The following UCK2 variants were observed in gnomAD, a reference collection of about 807,000 sequenced individuals.
UCK2 encodes cytidine monophosphokinase 2.
Under a neutral mutation model 30.8 loss-of-function variants are expected in UCK2, and 6 were observed. The observed-to-expected ratio is 0.19, with a 90% CI of 0.11 to 0.38. The LOEUF is 0.38. Among genes scored for constraint, UCK2 ranks in the 10% least tolerant of loss-of-function variants. The probability of loss-of-function intolerance (pLI) is 1.00; values close to 1 mark genes in which losing one functional copy is unlikely to be tolerated. For synonymous variants in UCK2, 125 were observed against 133.6 expected (o/e 0.94, Z 0.45); for missense variants, 210 against 339.8 (o/e 0.62, Z 3.00).
At chr1:165,843,225 T>C (rs1016842454) in intron 1 of UCK2, among the ~76,000 whole-genome samples, 3 of 152,094 alleles carry the variant, frequency 2.0e-5, no homozygotes, top group African/African-American at 7.2e-5. Context: ...TCAAGTCCTT[T>C]TTTTTTTTAA....
chr1:165,855,157 G>T (rs1654709382), intron 1 of UCK2, among the ~76,000 whole-genome samples: 2 of 152,178 alleles, frequency 1.3e-5, no homozygotes, highest in Admixed American at 1.3e-4. Flanking sequence ...TGGAAAGATG[G>T]ATGCTTATAA....
intron 6 of UCK2, 102 bp downstream of exon 6, chr1:165,906,071 C>T (rs1647649094): frequency 1.8e-6 from 2 of 1,106,292 alleles, no homozygotes; most frequent in Non-Finnish European, 2.7e-6. Context: ...GCAGACATGG[C>T]TGCCCTGCTT....
At chr1:165,839,110 T>C (rs2101851015) in intron 1 of UCK2, among the ~76,000 whole-genome samples, 1 of 152,284 alleles carries the variant, frequency 6.6e-6, no homozygotes, top group Admixed American at 6.5e-5. Context: ...TTTAAATTCG[T>C]ATTGTCAAGC....
At chr1:165,831,273 T>C (rs987165814) in intron 1 of UCK2, among the ~76,000 whole-genome samples, 1 of 151,114 alleles carries the variant, frequency 6.6e-6, no homozygotes, top group Non-Finnish European at 1.5e-5. Flanking sequence ...GCCACCAGCT[T>C]CTCAGGAGGC....
chr1:165,884,247 G>A (rs577280048), intron 1 of UCK2, among the ~76,000 whole-genome samples: 184 of 152,272 alleles, frequency 1.2e-3, no homozygotes, highest in Non-Finnish European at 2.3e-3. Context: ...GTTGTTTCCC[G>A]TCCTGAAAAG....
chr1:165,862,160 A>G (rs932453568), intron 1 of UCK2, among the ~76,000 whole-genome samples: 1 of 152,204 alleles, frequency 6.6e-6, no homozygotes, highest in South Asian at 2.1e-4. Context: ...CTCTTTGTTC[A>G]TATGCACAGG....
chr1:165,837,174 G>A (rs895682126), intron 1 of UCK2, among the ~76,000 whole-genome samples: 2 of 152,160 alleles, frequency 1.3e-5, no homozygotes, highest in South Asian at 2.1e-4. Flanking sequence ...TTTTCAACAC[G>A]TGAACTTTGG....
chr1:165,863,970 T>G (rs992634439), intron 1 of UCK2, among the ~76,000 whole-genome samples: 2 of 152,160 alleles, frequency 1.3e-5, no homozygotes, highest in Non-Finnish European at 2.9e-5. Flanking sequence ...CCTGCCTTAT[T>G]TTTTTTCCTT....
intron 1 of UCK2, among the ~76,000 whole-genome samples, chr1:165,844,908 C>T (rs2101854417): frequency 6.6e-6 from 1 of 152,262 alleles, no homozygotes; most frequent in East Asian, 1.9e-4. Context: ...CTGGCTGTTC[C>T]TGTGTTTCCT....
intron 1 of UCK2, among the ~76,000 whole-genome samples, chr1:165,883,767 G>A (rs917362701): frequency 3.9e-5 from 6 of 152,114 alleles, no homozygotes; most frequent in African/African-American, 1.2e-4. Context: ...TGGAAGCTTT[G>A]TTCTTTCGTT....
At chr1:165,907,633 C>A in intron 6 of UCK2, 51 bp from the exon 7 acceptor site, 1 of 1,602,184 alleles carries the variant, frequency 6.2e-7, no homozygotes, top group South Asian at 1.1e-5. Context: ...CCACACTCAC[C>A]CCTGCACCCA....
intron 1 of UCK2, among the ~76,000 whole-genome samples, chr1:165,851,804 C>T (rs761672825): frequency 1.1e-4 from 16 of 152,104 alleles, no homozygotes; most frequent in South Asian, 6.2e-4. Flanking sequence ...CATGGGTTCT[C>T]GTTGTTCAAC....
chr1:165,852,170 C>G (rs1366469134), intron 1 of UCK2, among the ~76,000 whole-genome samples: 3 of 152,110 alleles, frequency 2.0e-5, no homozygotes, highest in Non-Finnish European at 2.9e-5. Flanking sequence ...CTGTCTTCCA[C>G]AATGGTTGAA....
chr1:165,890,620 A>T (rs1655741892), intron 2 of UCK2, among the ~76,000 whole-genome samples: 1 of 152,110 alleles, frequency 6.6e-6, no homozygotes, highest in Non-Finnish European at 1.5e-5. Context: ...TGAGCCTGGG[A>T]CTCAAGATGG....
At chr1:165,892,253 C>G (rs1267367697) in intron 3 of UCK2, 1 of 151,414 alleles carries the variant, frequency 6.6e-6, no homozygotes, top group Non-Finnish European at 1.5e-5. Context: ...TTTCCTAACC[C>G]AACCACTGCA....
At chr1:165,904,831 ATGCAGT>A (rs1380498345) in intron 5 of UCK2, among the ~76,000 whole-genome samples, 1 of 152,228 alleles carries the variant, frequency 6.6e-6, no homozygotes, top group Non-Finnish European at 1.5e-5. Flanking sequence ...GTATGCCAGG[ATGCAGT>A]TACTTGTAGA....
chr1:165,899,870 G>T (rs1417623696), intron 4 of UCK2, among the ~76,000 whole-genome samples: 1 of 152,142 alleles, frequency 6.6e-6, no homozygotes, highest in Non-Finnish European at 1.5e-5. Flanking sequence ...CAGTCTGCCT[G>T]AGGTGATAGT....
At chr1:165,852,051 C>T (rs1050306205) in intron 1 of UCK2, among the ~76,000 whole-genome samples, 2 of 152,130 alleles carry the variant, frequency 1.3e-5, no homozygotes, top group African/African-American at 4.8e-5. Context: ...CATATGTGTA[C>T]ATGTGTCTTT....
chr1:165,888,247 A>G (rs116041374), intron 1 of UCK2, among the ~76,000 whole-genome samples: 36 of 152,282 alleles, frequency 2.4e-4, no homozygotes, highest in African/African-American at 8.4e-4. Context: ...TGAGTCATCA[A>G]ACCTCTAAAT....
Sources: gnomAD v4.1 joint callset for allele counts (sites outside exome capture counted in the v4.1 genomes callset) on GRCh38, gnomAD v4.1.1 for gene constraint, MANE v1.5 for transcripts, NCBI Gene and HGNC (gene_info 2026-07-23, HGNC 2026-07-21) for gene names.